PLCB4: variants seen among roughly 807,000 people sequenced by gnomAD.
The protein encoded by PLCB4 is phospholipase C beta 4.
A neutral mutation model predicts 178.8 loss-of-function variants in PLCB4; 77 were observed. The ratio of observed to expected loss-of-function variants is 0.43; its 90% CI spans 0.36 to 0.52. PLCB4 has a LOEUF of 0.52. PLCB4 is among the 20% of genes least tolerant of loss of function. The pLI, the probability that PLCB4 is intolerant of heterozygous loss-of-function variation, is 0.00. For synonymous variants in PLCB4, 496 were observed against 490.8 expected, an observed-to-expected ratio of 1.01 and a Z score of -0.14; for missense variants, 1,024 against 1,453.4, an observed-to-expected ratio of 0.70 and a Z score of 4.80.
At chr20:9,288,782 G>A (rs561244209) in intron 3 of PLCB4, among the ~76,000 whole-genome samples, 1 of 152,068 alleles carries the variant, frequency 6.6e-6, no homozygotes, top group South Asian at 2.1e-4. Context: ...TAAGAACATT[G>A]AGCTTAAAGA....
intron 7 of PLCB4, among the ~76,000 whole-genome samples, chr20:9,355,200 C>T (rs2034687808): frequency 6.6e-6 from 1 of 152,142 alleles, no homozygotes; most frequent in Non-Finnish European, 1.5e-5. Context: ...AAGTTAAATA[C>T]TGACAATTTA....
chr20:9,454,873 G>C (rs1462043314), intron 33 of PLCB4, among the ~76,000 whole-genome samples: 8 of 152,168 alleles, frequency 5.3e-5, no homozygotes, highest in Non-Finnish European at 1.2e-4. Context: ...TTGAGCATCT[G>C]TTATTATGCA....
intron 2 of PLCB4, among the ~76,000 whole-genome samples, chr20:9,165,950 G>A (rs2092964096): frequency 6.6e-6 from 1 of 152,078 alleles, no homozygotes; most frequent in Non-Finnish European, 1.5e-5. Context: ...ATTTTAGACA[G>A]TAGTTCTTAA....
chr20:9,401,843 CATTT>C (rs1362090509), intron 20 of PLCB4, among the ~76,000 whole-genome samples: 1 of 152,128 alleles, frequency 6.6e-6, no homozygotes, highest in Non-Finnish European at 1.5e-5. Context: ...TAAATATTAT[CATTT>C]ATTGTGTTAT....
chr20:9,376,628 A>T (rs534272582), intron 12 of PLCB4, among the ~76,000 whole-genome samples: 1 of 152,200 alleles, frequency 6.6e-6, no homozygotes, highest in African/African-American at 2.4e-5. Flanking sequence ...TGGCAAGACT[A>T]GATAAAACCT....
intron 2 of PLCB4, among the ~76,000 whole-genome samples, chr20:9,149,090 A>G (rs191381890): frequency 2.0e-5 from 3 of 152,148 alleles, no homozygotes; most frequent in African/African-American, 7.2e-5. Flanking sequence ...CTGGTGGAAA[A>G]CTGGAGGGCC....
At position 9,419,870 on chromosome 20, in the gene PLCB4, T is replaced by A. The variant is rs747203074; in HGVS notation, c.2115T>A (p.Thr705=). 2 of 1,614,088 alleles carry A rather than the reference T, an allele frequency of 1.2e-6. No homozygotes were observed. The highest frequency in any genetic ancestry group is 1.7e-6 in the Non-Finnish European group (2 of 1,179,922). Residue 705 remains threonine, a synonymous_variant, in exon 26 of 40, where the codon ACT becomes ACA. Coordinates refer to ENST00000378473, the MANE Select transcript of PLCB4 (RefSeq NM_001377142.1). ...GAACATTTGACCCCTTCTCTGAAAC[T>A]CCTGTTGATGGTGTTATTGCAGCCA... ...PDRTFDPFSE[T]PVDGVIAATC...
chr20:9,301,965 ATTCTT>A (rs758461423), intron 3 of PLCB4, among the ~76,000 whole-genome samples: 5 of 152,170 alleles, frequency 3.3e-5, no homozygotes, highest in African/African-American at 4.8e-5. Flanking sequence ...CAGGCTGTCT[ATTCTT>A]TGACAATGTA....
chr20:9,459,043 C>T (rs561275255), intron 34 of PLCB4, among the ~76,000 whole-genome samples: 5 of 152,232 alleles, frequency 3.3e-5, no homozygotes, highest in Admixed American at 6.5e-5. Flanking sequence ...AGCCTAAGGC[C>T]CACACAAATC....
At chr20:9,165,788 G>A in intron 2 of PLCB4, among the ~76,000 whole-genome samples, 1 of 131,338 alleles carries the variant, frequency 7.6e-6, no homozygotes, top group Non-Finnish European at 1.6e-5. Context: ...TAAACCTGGG[G>A]CTGTTTGTGT....
At chr20:9,336,666 C>T (rs1239246697) in intron 4 of PLCB4, among the ~76,000 whole-genome samples, 3 of 150,026 alleles carry the variant, frequency 2.0e-5, no homozygotes, top group South Asian at 2.1e-4. Flanking sequence ...CTTTACAGGA[C>T]ACCAAATGAG....
At chr20:9,246,248 A>G (rs550618344) in intron 3 of PLCB4, among the ~76,000 whole-genome samples, 3 of 152,098 alleles carry the variant, frequency 2.0e-5, no homozygotes, top group Non-Finnish European at 4.4e-5. Context: ...CCCTGTGCAT[A>G]AAAAAACATA....
intron 4 of PLCB4, among the ~76,000 whole-genome samples, chr20:9,324,996 A>G (rs918500719): frequency 7.2e-5 from 11 of 152,178 alleles, no homozygotes; most frequent in African/African-American, 2.4e-4. Context: ...TCCATATATC[A>G]ATAGTTTAAA....
intron 3 of PLCB4, among the ~76,000 whole-genome samples, chr20:9,264,096 T>G (rs1436912298): frequency 6.6e-6 from 1 of 152,178 alleles, no homozygotes; most frequent in Non-Finnish European, 1.5e-5. Flanking sequence ...GATAATTCTG[T>G]ATTAAGTCTA....
chr20:9,155,457 T>G (rs959928401), intron 2 of PLCB4, among the ~76,000 whole-genome samples: 3 of 152,198 alleles, frequency 2.0e-5, no homozygotes, highest in African/African-American at 7.2e-5. Flanking sequence ...TGTGGAAAGC[T>G]GAAGAACTTG....
intron 2 of PLCB4, among the ~76,000 whole-genome samples, chr20:9,113,840 A>G (rs772266764): frequency 1.1e-4 from 16 of 152,158 alleles, no homozygotes; most frequent in Non-Finnish European, 2.2e-4. Context: ...TGAGTCAGAC[A>G]TATATACCTA....
In PLCB4 at chr20:9,338,919, A is replaced by C. The variant is rs2032841812; in HGVS notation, c.251A>C (p.Glu84Ala). 2 of 1,613,354 alleles carry C rather than the reference A, an allele frequency of 1.2e-6. No homozygotes were observed. Among genetic ancestry groups the C allele is most frequent in the Non-Finnish European group, 1.7e-6 (2 of 1,179,638 alleles). Reference sequence around the variant, plus strand: ...GATCCCAAAATCTTGGCTGCTCTTGAAGCTGTTGGAAAATCAGAAAATGAT... The same window carrying C: ...GATCCCAAAATCTTGGCTGCTCTTGCAGCTGTTGGAAAATCAGAAAATGAT... Reference protein sequence around the residue: ...PKDPKILAALEAVGKSENDLE... With the variant: ...PKDPKILAALAAVGKSENDLE... Residue 84 changes from glutamate (E) to alanine (A), a missense_variant, in exon 7 of 40, where the codon GAA (glutamate) becomes GCA (alanine). Transcript: ENST00000378473.
chr20:9,246,359 G>C (rs546665106), intron 3 of PLCB4, among the ~76,000 whole-genome samples: 100 of 152,158 alleles, frequency 6.6e-4, no homozygotes, highest in Middle Eastern at 6.8e-3. Flanking sequence ...AATAGTTCTG[G>C]GAATTGTTAT....
intron 9 of PLCB4, 138 bp from the exon 10 acceptor site, chr20:9,371,076 A>G (rs1277464410): frequency 2.6e-5 from 17 of 646,556 alleles, no homozygotes; most frequent in Non-Finnish European, 3.7e-5. Context: ...AATGAAAAAC[A>G]TCTGCAATGA....
Sources: gnomAD v4.1 joint callset for allele counts (sites outside exome capture counted in the v4.1 genomes callset) on GRCh38, gnomAD v4.1.1 for gene constraint, MANE v1.5 for transcripts, NCBI Gene and HGNC (gene_info 2026-07-23, HGNC 2026-07-21) for gene names.